NBDY: variants seen among roughly 807,000 people sequenced by gnomAD.
The protein encoded by NBDY is negative regulator of P-body association.
At chrX:56,816,584 C>A (rs1402983788) in intron 2 of NBDY, among the ~76,000 whole-genome samples, 1 of 111,049 alleles carries the variant, frequency 9.0e-6, no homozygotes, top group Non-Finnish European at 1.9e-5. Flanking sequence ...AATATTGAGA[C>A]TGATCTATTT....
At chrX:56,731,890 G>A (rs192897343) in intron 1 of NBDY, among the ~76,000 whole-genome samples, 173 bp from the exon 2 acceptor site, 1 of 111,760 alleles carries the variant, frequency 8.9e-6, no homozygotes, top group East Asian at 2.8e-4. Flanking sequence ...CAGAGTTTAT[G>A]CTCTAAACTT....
At chrX:56,791,607 C>T in intron 2 of NBDY, among the ~76,000 whole-genome samples, 1 of 111,364 alleles carries the variant, frequency 9.0e-6, no homozygotes, top group East Asian at 2.8e-4. Context: ...AAGAAGCTTC[C>T]TGATTATTTG....
chrX:56,764,702 CAAAAAAA>C (rs10623590), intron 2 of NBDY, among the ~76,000 whole-genome samples: 7 of 60,801 alleles, frequency 1.2e-4, no homozygotes, highest in Non-Finnish European at 1.8e-4. Context: ...AAACAAACAC[CAAAAAAA>C]AAAAAAAAAA....
chrX:56,795,235 G>T (rs1432277714), intron 2 of NBDY, among the ~76,000 whole-genome samples: 1 of 112,106 alleles, frequency 8.9e-6, no homozygotes, highest in African/African-American at 3.2e-5. Flanking sequence ...GGGCAATTGT[G>T]CCTTGGTTTG....
chrX:56,740,259 A>G (rs2069525298), intron 2 of NBDY, among the ~76,000 whole-genome samples: 1 of 111,861 alleles, frequency 8.9e-6, no homozygotes, highest in Admixed American at 9.5e-5. Context: ...TGGAGACAGT[A>G]TTTAGAAACT....
intron 2 of NBDY, among the ~76,000 whole-genome samples, chrX:56,787,812 C>T (rs1335825533): frequency 8.9e-6 from 1 of 112,554 alleles, no homozygotes; most frequent in Non-Finnish European, 1.9e-5. Flanking sequence ...TGGCCTCAGG[C>T]CCTGTAGCTG....
chrX:56,794,952 T>A (rs977636205), intron 2 of NBDY, among the ~76,000 whole-genome samples: 1 of 112,058 alleles, frequency 8.9e-6, no homozygotes, highest in African/African-American at 3.2e-5. Flanking sequence ...CAGCGACCTC[T>A]CTCACTGGAG....
chrX:56,793,095 C>T (rs1030891244), intron 2 of NBDY, among the ~76,000 whole-genome samples: 12 of 111,743 alleles, frequency 1.1e-4, no homozygotes, highest in African/African-American at 3.9e-4. Flanking sequence ...CTGAGTGTCC[C>T]CCGTGAGGGA....
rs185720896 is a variant in NBDY, at chrX:56,765,040, A to G, written c.*166+32841A>G. ...TCACTGATTCTTTGTGTACTTTTGG[A>G]GTTTTTCTCCCTTCACTTTTTTCTT... On this transcript the variant is annotated intron_variant, in intron 2 of 2. Transcript: ENST00000374922. Among the ~76,000 whole-genome samples, 3 of 112,186 alleles carry G rather than the reference A, an allele frequency of 2.7e-5. No individual in the cohort carries two copies. In the Admixed American group the frequency reaches 2.8e-4, roughly 10 times the overall value.
At chrX:56,751,181 CTAT>C (rs2069583461) in intron 2 of NBDY, among the ~76,000 whole-genome samples, 1 of 110,087 alleles carries the variant, frequency 9.1e-6, no homozygotes, top group African/African-American at 3.3e-5. Context: ...CTTGAACATA[CTAT>C]TATTTCATGC....
chrX:56,803,697 C>T (rs1275805595), intron 2 of NBDY, among the ~76,000 whole-genome samples: 2 of 112,170 alleles, frequency 1.8e-5, no homozygotes, highest in Non-Finnish European at 3.8e-5. Context: ...GGCAAGTATC[C>T]CTGCAGCCGG....
intron 2 of NBDY, among the ~76,000 whole-genome samples, chrX:56,738,567 A>G (rs2069509739): frequency 8.9e-6 from 1 of 111,965 alleles, no homozygotes; most frequent in South Asian, 3.8e-4. Flanking sequence ...GGGTTCCCGC[A>G]ACCTCTCTCT....
chrX:56,766,724 T>C (rs2069667772), intron 2 of NBDY, among the ~76,000 whole-genome samples: 2 of 111,695 alleles, frequency 1.8e-5, no homozygotes, highest in African/African-American at 6.5e-5. Context: ...TGTTATCAGA[T>C]AGGCTCAAGC....
At chrX:56,798,854 G>A (rs372066643) in intron 2 of NBDY, among the ~76,000 whole-genome samples, 107 of 112,050 alleles carry the variant, frequency 9.5e-4, no homozygotes, top group Non-Finnish European at 1.6e-3. Flanking sequence ...CAGTTGGCTC[G>A]TTCCTTTCTC....
At chrX:56,754,109 G>C (rs1007709392) in intron 2 of NBDY, among the ~76,000 whole-genome samples, 1 of 110,943 alleles carries the variant, frequency 9.0e-6, no homozygotes, top group African/African-American at 3.3e-5. Flanking sequence ...TGAAGAGAGA[G>C]GAAAAAGTGA....
intron 2 of NBDY, among the ~76,000 whole-genome samples, chrX:56,805,042 A>C (rs2069842213): frequency 8.9e-6 from 1 of 111,979 alleles, no homozygotes. Context: ...TGATTCCCAC[A>C]CTCAGAGGGG....
intron 2 of NBDY, among the ~76,000 whole-genome samples, chrX:56,781,171 G>T (rs2069686337): frequency 9.0e-6 from 1 of 111,575 alleles, no homozygotes; most frequent in African/African-American, 3.3e-5. Flanking sequence ...GTCTTCATCT[G>T]TGGTTGCATA....
At chrX:56,735,106 C>T (rs1030717567) in intron 2 of NBDY, among the ~76,000 whole-genome samples, 4 of 112,029 alleles carry the variant, frequency 3.6e-5, no homozygotes, top group Non-Finnish European at 7.5e-5. Flanking sequence ...GGTGATTTTT[C>T]ACACAGGACA....
At chrX:56,739,528 G>A (rs1950101108) in intron 2 of NBDY, among the ~76,000 whole-genome samples, 1 of 107,846 alleles carries the variant, frequency 9.3e-6, no homozygotes, top group Admixed American at 1.0e-4. Context: ...TGACACTTGG[G>A]TAAATACAGG....
Sources: gnomAD v4.1 joint callset for allele counts (sites outside exome capture counted in the v4.1 genomes callset) on GRCh38, gnomAD v4.1.1 for gene constraint, MANE v1.5 for transcripts, NCBI Gene and HGNC (gene_info 2026-07-23, HGNC 2026-07-21) for gene names.